LIMK2: variants seen among roughly 807,000 people sequenced by gnomAD.
The protein encoded by LIMK2 is LIM domain kinase 2.
LIMK2 carries 35 observed loss-of-function variants against 75.7 expected under a neutral mutation model. That is an observed-to-expected ratio of 0.46 (90% CI 0.35 to 0.61). The LOEUF (loss-of-function observed/expected upper bound fraction) is 0.61. LIMK2 is among the 20% of genes least tolerant of loss of function. LIMK2 has a pLI of 0.00. For synonymous variants in LIMK2, 301 were observed against 319.2 expected (o/e 0.94, Z 0.61); for missense variants, 623 against 831.0 (o/e 0.75, Z 3.08).
At chr22:31,276,798 C>CT (rs1569005422) in intron 15 of LIMK2, 1 of 1,609,392 alleles carries the variant, frequency 6.2e-7, no homozygotes, top group East Asian at 2.2e-5. Flanking sequence ...GAGCCCCCCC[C>CT]GGGGCCGCAG....
intron 2 of LIMK2, among the ~76,000 whole-genome samples, chr22:31,237,547 T>G: frequency 6.7e-6 from 1 of 149,412 alleles, no homozygotes. Context: ...AGAGTGAGAT[T>G]CCGTCTCAAA....
intron 1 of LIMK2, among the ~76,000 whole-genome samples, chr22:31,213,430 A>AG: frequency 6.6e-6 from 1 of 152,214 alleles, no homozygotes; most frequent in East Asian, 1.9e-4. Context: ...ATTGAGGTGG[A>AG]GGGGGGCTGG....
intron 1 of LIMK2, among the ~76,000 whole-genome samples, chr22:31,218,483 ACAATC>A (rs1192316321): frequency 6.6e-6 from 1 of 152,224 alleles, no homozygotes; most frequent in African/African-American, 2.4e-5. Context: ...TTACAAAAGA[ACAATC>A]CAAGGTTTAG....
chr22:31,248,686 G>A, intron 2 of LIMK2: 2 of 1,614,132 alleles, frequency 1.2e-6, no homozygotes, highest in Non-Finnish European at 1.7e-6. Flanking sequence ...CGGATTTGCA[G>A]CTGAGCCTGT....
At chr22:31,255,268 C>G (rs943855150) in intron 2 of LIMK2, among the ~76,000 whole-genome samples, 4 of 152,184 alleles carry the variant, frequency 2.6e-5, no homozygotes, top group African/African-American at 9.7e-5. Flanking sequence ...TCATTTAGAG[C>G]TCATCCCACA....
rs921214050 is a variant in LIMK2 at position 31,262,865 on chromosome 22, C to G, written c.854+74C>G. 1.3e-5 allele frequency: 17 copies of G among 1,329,342 alleles called. No individual in the cohort carries two copies. In the African/African-American group the frequency reaches 2.2e-4, roughly 17 times the overall value. The allele number at this position is 1,329,342 out of a possible 1,614,324, so 82.3% of individuals were successfully genotyped here. On this transcript the variant is annotated intron_variant, in intron 7 of 15. Transcript: ENST00000331728. This position sits in a 1 kb window ranked among gnomAD's most constrained non-coding sequence, Gnocchi z 5.0. ...ATGAAGCTGAGCTGGCTTTCAGAAGCCTGCAGAGTTAGGAAAGGAACCAGC... is the reference window on the plus strand; with the variant it reads ...ATGAAGCTGAGCTGGCTTTCAGAAGGCTGCAGAGTTAGGAAAGGAACCAGC...
chr22:31,242,554 T>G (rs1261842512), intron 2 of LIMK2, among the ~76,000 whole-genome samples: 3 of 152,232 alleles, frequency 2.0e-5, no homozygotes, highest in Admixed American at 6.5e-5. Flanking sequence ...TATTGGGAAA[T>G]AATTCTCCCA....
At chr22:31,238,631 C>T (rs747446773) in intron 2 of LIMK2, among the ~76,000 whole-genome samples, 2 of 152,108 alleles carry the variant, frequency 1.3e-5, no homozygotes, top group African/African-American at 2.4e-5. Flanking sequence ...TCTGGGTGGT[C>T]CACCAGTCAA....
At position 31,278,469 on chromosome 22, in the gene LIMK2, G is replaced by T; in HGVS notation, c.*28G>T. 6.4e-7 allele frequency: 1 copy of T among 1,573,632 alleles called. No individual in the cohort carries two copies. On this transcript the variant is annotated 3_prime_UTR_variant, in exon 16 of 16. Coordinates refer to ENST00000331728, the MANE Select transcript of LIMK2 (RefSeq NM_005569.4). ...CTGGCCCAGCCCCCTGCAGGGGGGT[G>T]TTCTACAGCCAGCATTGCCCCTCTG...
chr22:31,258,953 G>A, intron 3 of LIMK2, 168 bp from the exon 4 acceptor site: 1 of 563,922 alleles, frequency 1.8e-6, no homozygotes. Flanking sequence ...ATGACAGGAG[G>A]TACCAATCTG....
intron 2 of LIMK2, among the ~76,000 whole-genome samples, chr22:31,257,245 C>T (rs569688393): frequency 1.3e-5 from 2 of 151,584 alleles, no homozygotes; most frequent in South Asian, 4.2e-4. Context: ...TGTTGGGTTT[C>T]TTCCCCAATA....
intron 2 of LIMK2, among the ~76,000 whole-genome samples, chr22:31,251,967 C>G (rs760232994): frequency 2.6e-5 from 4 of 152,172 alleles, no homozygotes; most frequent in Non-Finnish European, 2.9e-5. Flanking sequence ...TGGCTGTTCA[C>G]TGGGAGGTTA....
At chr22:31,261,682 T>G (rs754714354) in intron 5 of LIMK2, among the ~76,000 whole-genome samples, 6 of 151,706 alleles carry the variant, frequency 4.0e-5, no homozygotes, top group Admixed American at 1.3e-4. Context: ...GCATGAGAAT[T>G]GCTTGAGCCT....
At position 31,276,822 on chromosome 22, in the gene LIMK2, C is replaced by T. The variant is rs547260740; in HGVS notation, c.1773-1475C>T. On this transcript the variant is annotated intron_variant, in intron 15 of 15. Transcript: ENST00000331728. The stretch of plus-strand genomic sequence containing the variant: ...CCGGGGCCGCAGGAGAGGGCCCGGG[C>T]TGCGCGGATGATGAGGGCCCAGTGA... 7.4e-6 allele frequency: 12 copies of T among 1,611,632 alleles called. No individual in the cohort carries two copies. The African/African-American group carries it at 1.2e-4, about 16-fold the overall frequency.
intron 15 of LIMK2, chr22:31,277,279 C>T: frequency 4.7e-6 from 7 of 1,492,278 alleles, no homozygotes; most frequent in Non-Finnish European, 6.2e-6. Context: ...GCCCAGGGGT[C>T]TCTTCCCCTG....
chr22:31,225,168 G>C (rs1224322441), intron 1 of LIMK2, among the ~76,000 whole-genome samples: 1 of 152,110 alleles, frequency 6.6e-6, no homozygotes, highest in African/African-American at 2.4e-5. Context: ...TTGGCCCCTG[G>C]TGCCAAAAAG....
At chr22:31,220,306 C>T (rs937260006) in intron 1 of LIMK2, among the ~76,000 whole-genome samples, 4 of 152,200 alleles carry the variant, frequency 2.6e-5, no homozygotes, top group African/African-American at 9.6e-5. Flanking sequence ...CATAGGTAAT[C>T]TGGGAGCCAG....
intron 10 of LIMK2, 43 bp downstream of exon 10, chr22:31,267,950 G>A (rs1569000688): frequency 6.4e-7 from 1 of 1,573,012 alleles, no homozygotes; most frequent in Non-Finnish European, 8.6e-7. Flanking sequence ...TTGGTGGGTT[G>A]TCAGACACCT....
chr22:31,215,618 G>C (rs2048383207), intron 1 of LIMK2, among the ~76,000 whole-genome samples: 1 of 152,130 alleles, frequency 6.6e-6, no homozygotes, highest in African/African-American at 2.4e-5. Flanking sequence ...TACAGGGTCT[G>C]GCACATGGTA....
Sources: allele counts gnomAD v4.1 joint callset (sites outside exome capture counted in the v4.1 genomes callset), GRCh38; gene constraint gnomAD v4.1.1; non-coding constraint Gnocchi (gnomAD v3.1); transcripts MANE v1.5; gene names NCBI Gene and HGNC (gene_info 2026-07-23, HGNC 2026-07-21).